Variants in KRT8 observed in about 807,000 individuals in gnomAD.
The protein encoded by KRT8 is keratin, type II cytoskeletal 8.
KRT8 carries 24 observed loss-of-function variants against 43.0 expected under a neutral mutation model. The ratio of observed to expected loss-of-function variants is 0.56; its 90% CI spans 0.40 to 0.78. The LOEUF (loss-of-function observed/expected upper bound fraction) is 0.78. Among genes scored for constraint, KRT8 ranks in the 30% least tolerant of loss-of-function variants. The probability of loss-of-function intolerance (pLI) is 0.00; values close to 1 mark genes in which losing one functional copy is unlikely to be tolerated. For synonymous variants in KRT8, 214 were observed against 261.2 expected (o/e 0.82, Z 1.74); for missense variants, 492 against 638.4 (o/e 0.77, Z 2.47).
chr12:52,897,672 C>T, intron 7 of KRT8, 54 bp from the exon 8 acceptor site: 2 of 1,596,806 alleles, frequency 1.3e-6, no homozygotes, highest in Admixed American at 3.3e-5. Context: ...CCATGGCAGG[C>T]TCCATGCCCC....
intron 2 of KRT8, among the ~76,000 whole-genome samples, chr12:52,921,505 CCCTAT>C (rs1941885667): frequency 6.6e-6 from 1 of 152,142 alleles, no homozygotes; most frequent in Non-Finnish European, 1.5e-5. Flanking sequence ...CATGGCCTGA[CCCTAT>C]CCTACTTGAC....
At chr12:52,898,215 G>C (rs1054220675) in intron 7 of KRT8, among the ~76,000 whole-genome samples, 4 of 152,124 alleles carry the variant, frequency 2.6e-5, no homozygotes, top group African/African-American at 9.7e-5. Context: ...AAAACCTGTA[G>C]GATACTTAGC....
At chr12:52,941,130 G>C (rs1049721353) in intron 2 of KRT8, among the ~76,000 whole-genome samples, 1 of 148,982 alleles carries the variant, frequency 6.7e-6, no homozygotes, top group Non-Finnish European at 1.5e-5. Context: ...GCAATGGCGC[G>C]ATCTTGGCTC....
intron 3 of KRT8, chr12:52,900,943 T>C: frequency 1.6e-6 from 1 of 639,598 alleles, no homozygotes; most frequent in Non-Finnish European, 2.8e-6. Flanking sequence ...TACTGCTCTG[T>C]TTTCTGAACC....
Position 52,898,670 on chromosome 12 carries a change from C to T in KRT8, c.1202+9G>A. The T allele has an allele frequency of 6.2e-7, 1 of 1,614,194 alleles. No homozygotes were observed. Among genetic ancestry groups the T allele is most frequent in the Non-Finnish European group, 8.5e-7 (1 of 1,180,026 alleles). ...GGAAGCAGGTCCGGTCAGAGGTACC[C>T]ACACCCACCGGCTCTCCTCGCCCTC... On this transcript the variant is annotated intron_variant, in intron 6 of 7. Transcript: ENST00000692008.
Position 52,902,088 on chromosome 12 carries a change from G to A in KRT8, c.325-16C>T, listed in dbSNP as rs771646664. ...GGAACCGTACCTATACGAAGGAGGA[G>A]AGAGCAAAAAGGTCTACATCAGGCC... On this transcript the variant is annotated splice_polypyrimidine_tract_variant and intron_variant, in intron 1 of 7. Coordinates refer to ENST00000692008, the Ensembl canonical transcript of KRT8. 11 of 1,569,838 alleles carry A rather than the reference G, an allele frequency of 7.0e-6. No individual in the cohort carries two copies. The Admixed American group carries it at 1.8e-4, about 26-fold the overall frequency.
chr12:52,907,942 C>T (rs1158393025), upstream of KRT8, among the ~76,000 whole-genome samples: 1 of 152,224 alleles, frequency 6.6e-6, no homozygotes, highest in African/African-American at 2.4e-5. Flanking sequence ...GTGGTCTACA[C>T]ACAGCTGCCT....
chr12:52,922,060 A>G (rs1488916867), intron 2 of KRT8, among the ~76,000 whole-genome samples: 1 of 151,804 alleles, frequency 6.6e-6, no homozygotes, highest in African/African-American at 2.4e-5. Flanking sequence ...GCACACCTGT[A>G]TTTCCAGCTA....
At chr12:52,899,941 T>A (rs757214437) in exon 5 of KRT8, 1 of 1,613,372 alleles carries the variant, frequency 6.2e-7, no homozygotes, top group Non-Finnish European at 8.5e-7. Flanking sequence ...CCGGCTGCGG[T>A]TGGCAATATC....
At chr12:52,930,909 C>T (rs1289512323) in intron 2 of KRT8, among the ~76,000 whole-genome samples, 2 of 152,110 alleles carry the variant, frequency 1.3e-5, no homozygotes, top group South Asian at 4.1e-4. Flanking sequence ...CACTGATTCT[C>T]TCTTAGTTTG....
chr12:52,900,059 G>A lies in KRT8; in HGVS notation c.697C>T (p.Arg233Trp), dbSNP rs148103654. ...TCCGAGATCTGGGACTGCAGCTCCC[G>A]GATCTCCTGTGGGGGAAGAGGGCAA... The change falls in exon 5 of 8, where the codon CGG (arginine) becomes TGG (tryptophan). Residue 233 changes from arginine (R) to tryptophan (W), a missense_variant. Arg to Trp is a moderately radical substitution (Grantham distance 101, BLOSUM62 -3). This residue lies in a region of KRT8 where 389 missense variants were observed against 485.7 expected (regional missense o/e 0.80). Transcript: ENST00000692008. 199 of 1,612,362 alleles carry A rather than the reference G, an allele frequency of 1.2e-4. No homozygotes were observed. In the African/African-American group the frequency reaches 2.1e-3, roughly 17 times the overall value.
At chr12:52,907,849 G>T (rs932791149), upstream of KRT8, among the ~76,000 whole-genome samples, 4 of 152,222 alleles carry the variant, frequency 2.6e-5, no homozygotes, top group African/African-American at 9.6e-5. Flanking sequence ...GAAGGAGAAG[G>T]CCCCTGGGAC....
chr12:52,923,446 G>A lies in KRT8; in HGVS notation c.-46-18419C>T, dbSNP rs187514208. Among the ~76,000 whole-genome samples the A allele has an allele frequency of 1.1e-4, 17 of 152,310 alleles. No individual in the cohort carries two copies. In the East Asian group the frequency reaches 3.1e-3, roughly 28 times the overall value. ...TGTTTTGTTTTGTTTTTGAGATGGA[G>A]TCTCGCTGTGTTGCCCAGGTTGGAG... is the stretch of plus-strand genomic sequence containing the variant. On this transcript the variant is annotated intron_variant, in intron 2 of 6. Transcript: ENST00000546826.
intron 2 of KRT8, among the ~76,000 whole-genome samples, chr12:52,935,177 T>C (rs1281426834): frequency 3.3e-5 from 5 of 150,370 alleles, no homozygotes; most frequent in African/African-American, 1.2e-4. Context: ...GGTTAGGAGT[T>C]CGAGACCAGC....
chr12:52,910,908 T>C (rs759175004), upstream of KRT8, among the ~76,000 whole-genome samples: 36 of 152,214 alleles, frequency 2.4e-4, no homozygotes, highest in Middle Eastern at 3.2e-3. Context: ...TATTCCTTCC[T>C]GTATTCACCT....
At chr12:52,938,570 A>C (rs542525241) in intron 2 of KRT8, among the ~76,000 whole-genome samples, 1 of 151,866 alleles carries the variant, frequency 6.6e-6, no homozygotes, top group African/African-American at 2.4e-5. Flanking sequence ...TGAGCCCAAT[A>C]GTTCGAGACA....
chr12:52,899,599 G>A (rs926210896), intron 5 of KRT8, among the ~76,000 whole-genome samples, 176 bp downstream of exon 5: 1 of 152,036 alleles, frequency 6.6e-6, no homozygotes, highest in Non-Finnish European at 1.5e-5. Context: ...GACCTTCCCT[G>A]CATCCCTTTG....
rs1183720570 is a variant in KRT8, at chr12:52,926,394, C to T, written c.-46-21367G>A. ...TCCTGAAGCACCTCCTTGTCACCTG[C>T]ACCTGTTGAAACCTTACCCTTCCTG... On this transcript the variant is annotated intron_variant, in intron 2 of 6. Coordinates refer to the KRT8 transcript ENST00000546826. 5.9e-6 allele frequency: 9 copies of T among 1,522,664 alleles called. No homozygotes were observed. In the East Asian group the frequency reaches 2.3e-4, roughly 38 times the overall value. The allele number at this position is 1,522,664 out of a possible 1,614,324, so 94.3% of individuals were successfully genotyped here.
chr12:52,939,377 G>A (rs1406419803), intron 2 of KRT8, among the ~76,000 whole-genome samples: 3 of 152,036 alleles, frequency 2.0e-5, no homozygotes, highest in East Asian at 1.9e-4. Flanking sequence ...GGTGGCACAC[G>A]CCTTTAGTCC....
Sources: gnomAD v4.1 joint callset for allele counts (sites outside exome capture counted in the v4.1 genomes callset) on GRCh38, gnomAD v4.1.1 for gene constraint, gnomAD v4.1.1 regional missense constraint, MANE v1.5 for transcripts, NCBI Gene and HGNC (gene_info 2026-07-23, HGNC 2026-07-21) for gene names.